KPNA7: variants seen among roughly 807,000 people sequenced by gnomAD.
KPNA7 encodes importin subunit alpha-8.
Under a neutral mutation model 53.7 loss-of-function variants are expected in KPNA7, and 54 were observed. The ratio of observed to expected loss-of-function variants is 1.01; its 90% confidence interval spans 0.81 to 1.26. The LOEUF (loss-of-function observed/expected upper bound fraction) is 1.26, where lower values mean the gene tolerates loss of function less well. Ranked by LOEUF, KPNA7 falls within the 50% of genes most tolerant of loss-of-function variation. The probability of loss-of-function intolerance (pLI) is 0.00; values close to 1 mark genes in which losing one functional copy is unlikely to be tolerated. For synonymous variants in KPNA7, 276 were observed against 259.3 expected, an observed-to-expected ratio of 1.06 and a Z score of -0.62; for missense variants, 640 against 644.5, an observed-to-expected ratio of 0.99 and a Z score of 0.07.
chr7:99,167,078 A>T, the KPNA7 span, among the ~76,000 whole-genome samples: 1 of 152,236 alleles, frequency 6.6e-6, no homozygotes, highest in Admixed American at 6.5e-5. Flanking sequence ...TAAGCTTACA[A>T]GGCTCCCTGA....
intron 4 of KPNA7, among the ~76,000 whole-genome samples, chr7:99,195,668 A>G (rs1326778129): frequency 6.6e-6 from 1 of 152,012 alleles, no homozygotes; most frequent in Non-Finnish European, 1.5e-5. Context: ...ATACCATTGC[A>G]CTCCAGCCTG....
rs987169266 is a variant in KPNA7, at chr7:99,182,259, G to C, written c.1135-194C>G. On this transcript the variant is annotated intron_variant, in intron 8 of 10. Transcript: ENST00000327442. ...GTCGCCCAGGCTGGAGTGCAGTGGC[G>C]CAATCTCAGCTCACTGCAATCTCCG... Among the ~76,000 whole-genome samples the C allele has an allele frequency of 2.0e-5, 3 of 152,124 alleles. No individual in the cohort carries two copies. The East Asian group carries it at 5.8e-4, about 29-fold the overall frequency.
At chr7:99,196,977 A>C (rs1434357472) in intron 3 of KPNA7, among the ~76,000 whole-genome samples, 1 of 152,148 alleles carries the variant, frequency 6.6e-6, no homozygotes, top group Non-Finnish European at 1.5e-5. Flanking sequence ...TAACAAAAAA[A>C]CTTGAAAGGG....
At chr7:99,165,130 G>A in the KPNA7 span, among the ~76,000 whole-genome samples, 29 of 151,968 alleles carry the variant, frequency 1.9e-4, no homozygotes, top group African/African-American at 6.3e-4. Flanking sequence ...GACAGAACAC[G>A]ACTTTGTCTC....
At chr7:99,195,030 C>A (rs1790152611) in intron 5 of KPNA7, 40 bp downstream of exon 5, 1 of 1,544,070 alleles carries the variant, frequency 6.5e-7, no homozygotes. Context: ...TCCCACACAC[C>A]TGGCCCCGTT....
In KPNA7 at chr7:99,178,062, G is replaced by A. The variant is rs1313375390; in HGVS notation, c.1322C>T (p.Ala441Val). The A allele has an allele frequency of 2.7e-5, 42 of 1,551,292 alleles. No homozygotes were observed. Among genetic ancestry groups the A allele is most frequent in the Non-Finnish European group, 3.7e-5 (42 of 1,146,796 alleles). Residue 441 changes from alanine (A) to valine (V), a missense_variant, in exon 10 of 11, where the codon GCA becomes GTA. Physicochemically the swap from Ala to Val is moderately conservative, Grantham distance 64 (BLOSUM62 0). Coordinates refer to ENST00000327442, the MANE Select transcript of KPNA7 (RefSeq NM_001145715.3). ...LDVISCILQA[A>V]EKRSEKENLC... ...GTTTTCCTTCTCAGACCGTTTCTCT[G>A]CCGCCTGTGACCAAGTACAAGGGGA...
At chr7:99,178,858 C>CTA (rs1799033914) in intron 9 of KPNA7, among the ~76,000 whole-genome samples, 1 of 146,748 alleles carries the variant, frequency 6.8e-6, no homozygotes, top group Non-Finnish European at 1.5e-5. Context: ...TCTTGGCTCA[C>CTA]TACTCTCCCC....
chr7:99,200,678 A>G (rs111494000), intron 3 of KPNA7, among the ~76,000 whole-genome samples: 12,059 of 152,212 alleles, frequency 0.079, 512 homozygotes, highest in South Asian at 0.15. Flanking sequence ...AAGTCCCCCA[A>G]TTAATAAATA....
chr7:99,190,853 G>A (rs572449972), intron 6 of KPNA7, among the ~76,000 whole-genome samples: 4 of 151,872 alleles, frequency 2.6e-5, no homozygotes, highest in Admixed American at 1.3e-4. Flanking sequence ...GCCAGGTCAT[G>A]TTTGTGACCC....
chr7:99,168,735 C>T (rs75258362), downstream of KPNA7, among the ~76,000 whole-genome samples: 1,788 of 152,240 alleles, frequency 0.012, 33 homozygotes, highest in African/African-American at 0.041. Flanking sequence ...TGGCCTCAAA[C>T]GATTCTTCCA....
At position 99,203,178 on chromosome 7, in the gene KPNA7, C is replaced by G; in HGVS notation, c.129G>C (p.Gln43His). 6.4e-7 allele frequency: 1 copy of G among 1,551,564 alleles called. No individual in the cohort carries two copies. Among genetic ancestry groups the G allele is most frequent in the Non-Finnish European group, 8.7e-7 (1 of 1,146,936 alleles). The change falls in exon 3 of 11, where the codon CAG becomes CAC. Residue 43 changes from glutamine to histidine, a missense_variant. Physicochemically the swap from Gln to His is conservative, Grantham distance 24. Coordinates refer to ENST00000327442, the MANE Select transcript of KPNA7 (RefSeq NM_001145715.3). ...TCGTGATATTCCTTCTCTTTAAGGT[C>G]TGTTCATCTTTCTTGGCCTTTCGGA... ...LELRKAKKDE[Q>H]TLKRRNITSF...
chr7:99,165,013 T>G, the KPNA7 span, among the ~76,000 whole-genome samples: 1 of 151,992 alleles, frequency 6.6e-6, no homozygotes, highest in Non-Finnish European at 1.5e-5. Context: ...TGGTGGCATG[T>G]GCCTGTAATC....
intron 3 of KPNA7, among the ~76,000 whole-genome samples, chr7:99,199,373 CTTTG>C (rs1554469611): frequency 6.6e-6 from 1 of 152,066 alleles, no homozygotes; most frequent in Non-Finnish European, 1.5e-5. Flanking sequence ...GTAATCAAAC[CTTTG>C]TTTGATGACA....
intron 8 of KPNA7, among the ~76,000 whole-genome samples, chr7:99,182,418 G>A (rs757734229): frequency 1.3e-4 from 20 of 151,956 alleles, no homozygotes; most frequent in Non-Finnish European, 2.8e-4. Flanking sequence ...GGATGTTCTC[G>A]ATCTCTTGAC....
the KPNA7 span, among the ~76,000 whole-genome samples, chr7:99,167,981 T>TCCCCCCCCCC: frequency 2.8e-3 from 388 of 136,892 alleles, no homozygotes; most frequent in Non-Finnish European, 3.9e-3. Context: ...CCCAAACCAT[T>TCCCCCCCCCC]CCCCCACCCC....
the KPNA7 span, among the ~76,000 whole-genome samples, chr7:99,162,015 T>C: frequency 4.6e-5 from 7 of 151,336 alleles, no homozygotes; most frequent in East Asian, 1.4e-3. Flanking sequence ...TTACGCAGTG[T>C]GCATGGCTAA....
chr7:99,219,367 T>A (rs1791291007), intron 1 of KPNA7, among the ~76,000 whole-genome samples: 1 of 152,172 alleles, frequency 6.6e-6, no homozygotes, highest in Non-Finnish European at 1.5e-5. Flanking sequence ...CTTCCTAAAC[T>A]TGCACAGAAG....
At chr7:99,177,842 G>T in intron 10 of KPNA7, 78 bp downstream of exon 10, 1 of 1,463,414 alleles carries the variant, frequency 6.8e-7, no homozygotes, top group South Asian at 1.3e-5. Flanking sequence ...CAACAGCCCA[G>T]GCCCCGGCAG....
the KPNA7 span, among the ~76,000 whole-genome samples, chr7:99,150,505 C>T: frequency 6.8e-6 from 1 of 147,630 alleles, no homozygotes; most frequent in Non-Finnish European, 1.5e-5. Context: ...ATCTCCGCCT[C>T]CTGGGTTCAA....
Sources: gnomAD v4.1 joint callset for allele counts (sites outside exome capture counted in the v4.1 genomes callset) on GRCh38, gnomAD v4.1.1 for gene constraint, MANE v1.5 for transcripts, NCBI Gene and HGNC (gene_info 2026-07-23, HGNC 2026-07-21) for gene names.